Variants in ATP8B1 observed in about 807,000 individuals in gnomAD.
The protein encoded by ATP8B1 is phospholipid-transporting ATPase IC.
Under a neutral mutation model 149.9 loss-of-function variants are expected in ATP8B1, and 80 were observed. The ratio of observed to expected loss-of-function variants is 0.53; its 90% CI spans 0.45 to 0.64. ATP8B1 has a LOEUF of 0.64. Ranked by LOEUF, ATP8B1 falls within the 30% of genes least tolerant of loss-of-function variation. The probability of loss-of-function intolerance (pLI) is 0.00; values close to 1 mark genes in which losing one functional copy is unlikely to be tolerated. For missense variants in ATP8B1, 1,247 were observed against 1,552.6 expected, an observed-to-expected ratio of 0.80 and a Z score of 3.31; for synonymous variants, 536 against 562.8, an observed-to-expected ratio of 0.95 and a Z score of 0.67.
At chr18:57,736,857 C>G (rs998504413) in intron 1 of ATP8B1, among the ~76,000 whole-genome samples, 6 of 151,944 alleles carry the variant, frequency 3.9e-5, no homozygotes, top group Non-Finnish European at 5.9e-5. Context: ...CTATTCTGTT[C>G]CATTGGTTTA....
At chr18:57,676,367 G>C (rs561498061) in intron 15 of ATP8B1, among the ~76,000 whole-genome samples, 13 of 150,638 alleles carry the variant, frequency 8.6e-5, no homozygotes, top group Non-Finnish European at 1.6e-4. Context: ...TCACCATGTT[G>C]CCCAGGCTAT....
chr18:57,653,017 G>A (rs577542365), intron 24 of ATP8B1, among the ~76,000 whole-genome samples: 1 of 152,144 alleles, frequency 6.6e-6, no homozygotes, highest in African/African-American at 2.4e-5. Context: ...AAATATGTAG[G>A]GAGGCTACTG....
chr18:57,695,595 T>C (rs1912770172), intron 8 of ATP8B1, 63 bp from the exon 9 acceptor site: 2 of 1,267,780 alleles, frequency 1.6e-6, no homozygotes, highest in Non-Finnish European at 2.3e-6. Context: ...TGGAAGTTAA[T>C]CATCCAAAGT....
intron 26 of ATP8B1, among the ~76,000 whole-genome samples, chr18:57,650,859 A>T (rs767836189): frequency 2.4e-4 from 37 of 152,316 alleles, no homozygotes; most frequent in Middle Eastern, 3.4e-3. Context: ...TAAAATAAAA[A>T]AAAGAACATA....
At chr18:57,731,583 G>T in intron 2 of ATP8B1, 44 bp downstream of exon 2, 1 of 1,604,814 alleles carries the variant, frequency 6.2e-7, no homozygotes, top group South Asian at 1.1e-5. Context: ...TGACCCACAT[G>T]AGGATTTATA....
At chr18:57,774,666 T>C (rs1419904298) in intron 1 of ATP8B1, among the ~76,000 whole-genome samples, 1 of 152,066 alleles carries the variant, frequency 6.6e-6, no homozygotes, top group Non-Finnish European at 1.5e-5. Flanking sequence ...AGCAAAGGGA[T>C]TTTTGCTTAT....
chr18:57,655,642 T>G (rs1255038562), intron 22 of ATP8B1, among the ~76,000 whole-genome samples: 1 of 152,168 alleles, frequency 6.6e-6, no homozygotes, highest in African/African-American at 2.4e-5. Context: ...TCCATAAATA[T>G]CTGGGAAAGG....
At chr18:57,707,122 T>C (rs1213680870) in intron 2 of ATP8B1, among the ~76,000 whole-genome samples, 1 of 152,096 alleles carries the variant, frequency 6.6e-6, no homozygotes, top group Non-Finnish European at 1.5e-5. Context: ...CTGGCCAAGG[T>C]GGTGAAACCC....
intron 1 of ATP8B1, among the ~76,000 whole-genome samples, chr18:57,764,343 T>C (rs199594104): frequency 1.8e-5 from 2 of 113,024 alleles, no homozygotes; most frequent in East Asian, 4.5e-4. Flanking sequence ...TTCTTTCTTT[T>C]TCTTTCTTTC....
chr18:57,802,375 G>A lies in ATP8B1; in HGVS notation c.-26+623C>T, dbSNP rs1381795054. Among the ~76,000 whole-genome samples, 1 of 152,104 alleles carries A rather than the reference G, an allele frequency of 6.6e-6. No individual in the cohort carries two copies. Among genetic ancestry groups the A allele is most frequent in the Non-Finnish European group, 1.5e-5 (1 of 68,006 alleles). ...AGTCACCGGAAAAACAGTGGTGTCG[G>A]TCTTCCCCATCACCTCCCCTCCCCA... On this transcript the variant is annotated intron_variant, in intron 1 of 27. Transcript: ENST00000648908. The surrounding 1 kb of genome is among the most constrained non-coding windows in gnomAD (Gnocchi z 4.9).
At chr18:57,787,784 A>G (rs142698863) in intron 1 of ATP8B1, among the ~76,000 whole-genome samples, 4 of 152,360 alleles carry the variant, frequency 2.6e-5, no homozygotes, top group African/African-American at 9.6e-5. Flanking sequence ...AAGGTTTAAC[A>G]TCTATCAAAA....
At position 57,744,728 on chromosome 18, in the gene ATP8B1, A is replaced by G. The variant is rs72627256; in HGVS notation, c.-25-12896T>C. On this transcript the variant is annotated intron_variant, in intron 1 of 27. Coordinates refer to ENST00000648908, the MANE Select transcript of ATP8B1 (RefSeq NM_001374385.1). ...ATAATTGACAGCTACCTGGAAGCAA[A>G]CCCTTCAGGGTAAAATAAGTCTGTC... 4.7e-3 allele frequency among the ~76,000 whole-genome samples: 723 copies of G among 152,354 alleles called. 27 individuals are homozygous for G. In the East Asian group the frequency reaches 0.11, roughly 23 times the overall value.
At chr18:57,767,585 C>T (rs1258689799) in intron 1 of ATP8B1, among the ~76,000 whole-genome samples, 2 of 152,002 alleles carry the variant, frequency 1.3e-5, no homozygotes, top group South Asian at 2.1e-4. Flanking sequence ...GTCAGGAGTT[C>T]GAGACCAGCC....
chr18:57,713,207 CCT>C (rs1913798971), intron 2 of ATP8B1, among the ~76,000 whole-genome samples: 13 of 120,632 alleles, frequency 1.1e-4, no homozygotes, highest in African/African-American at 4.0e-4. Context: ...TTCCTTCCTT[CCT>C]TCCTTCCTTC....
rs1913531842 is a variant in ATP8B1, at chr18:57,708,563, A to G, written c.182-1976T>C. 3 of 152,222 alleles carry G rather than the reference A, an allele frequency of 2.0e-5. No homozygotes were observed. In the South Asian group the frequency reaches 6.2e-4, roughly 32 times the overall value. The allele number at this position is 152,222 out of a possible 1,614,324, so 9.4% of individuals were successfully genotyped here. A position where few individuals can be genotyped will look rare whatever the true frequency, so the allele number is the denominator to read the frequency against. Reference sequence around the variant, plus strand: ...TTTAATGGTTTACTTTAGCACACAGATGACTTGTGACACATCCCCACCACC... The same window carrying G: ...TTTAATGGTTTACTTTAGCACACAGGTGACTTGTGACACATCCCCACCACC... On this transcript the variant is annotated intron_variant, in intron 2 of 27. Transcript: ENST00000648908.
intron 1 of ATP8B1, among the ~76,000 whole-genome samples, chr18:57,770,898 C>T (rs1219189870): frequency 6.6e-6 from 1 of 152,214 alleles, no homozygotes; most frequent in Non-Finnish European, 1.5e-5. Context: ...GAGTCTCGCT[C>T]TGTCGCCCAG....
At chr18:57,792,813 G>A (rs770546498) in intron 1 of ATP8B1, among the ~76,000 whole-genome samples, 1 of 152,116 alleles carries the variant, frequency 6.6e-6, no homozygotes, top group Non-Finnish European at 1.5e-5. Flanking sequence ...ATGGGGAGTG[G>A]CTGGAAAAAG....
At chr18:57,706,791 T>G (rs1207968344) in intron 2 of ATP8B1, among the ~76,000 whole-genome samples, 1 of 152,116 alleles carries the variant, frequency 6.6e-6, no homozygotes, top group African/African-American at 2.4e-5. Context: ...GACTGATACC[T>G]TTACAAAAAG....
Position 57,802,467 on chromosome 18 carries a change from A to G in ATP8B1, c.-26+531T>C, listed in dbSNP as rs2080588181. 6.6e-6 allele frequency among the ~76,000 whole-genome samples: 1 copy of G among 152,032 alleles called. No individual in the cohort carries two copies. ...CCCTGCCACAGGAGCTGGGGAGGAG[A>G]GCGATCTCACCCCCTCCATCCCTCC... is the stretch of plus-strand genomic sequence containing the variant. On this transcript the variant is annotated intron_variant, in intron 1 of 27. Coordinates refer to ENST00000648908, the MANE Select transcript of ATP8B1 (RefSeq NM_001374385.1). This position sits in a 1 kb window ranked among gnomAD's most constrained non-coding sequence, Gnocchi z 4.9.
Sources: allele counts gnomAD v4.1 joint callset (sites outside exome capture counted in the v4.1 genomes callset), GRCh38; gene constraint gnomAD v4.1.1; non-coding constraint Gnocchi (gnomAD v3.1); transcripts MANE v1.5; gene names NCBI Gene and HGNC (gene_info 2026-07-23, HGNC 2026-07-21).